Variants in SLC4A4 observed in about 807,000 individuals in gnomAD.
The protein encoded by SLC4A4 is electrogenic sodium bicarbonate cotransporter 1.
In SLC4A4, 27 loss-of-function variants were observed where a neutral mutation model predicts 111.5. That is an observed-to-expected ratio of 0.24 (90% CI 0.18 to 0.33). The LOEUF (loss-of-function observed/expected upper bound fraction) is 0.33. Ranked by LOEUF, SLC4A4 falls within the 10% of genes least tolerant of loss-of-function variation. The pLI, the probability that SLC4A4 is intolerant of heterozygous loss-of-function variation, is 1.00. For synonymous variants in SLC4A4, 443 were observed against 463.4 expected, an observed-to-expected ratio of 0.96 and a Z score of 0.57; for missense variants, 909 against 1,315.5, an observed-to-expected ratio of 0.69 and a Z score of 4.78.
intron 3 of SLC4A4, among the ~76,000 whole-genome samples, chr4:71,299,908 G>A (rs903746919): frequency 3.9e-5 from 6 of 152,168 alleles, no homozygotes; most frequent in South Asian, 2.1e-4. Context: ...CACTTGTTGC[G>A]CACACCCCAT....
intron 3 of SLC4A4, among the ~76,000 whole-genome samples, chr4:71,308,598 G>A (rs536895305): frequency 7.2e-5 from 11 of 152,228 alleles, no homozygotes; most frequent in Admixed American, 4.6e-4. Flanking sequence ...GGGGGTTGTC[G>A]CCTCACCCAG....
intron 7 of SLC4A4, among the ~76,000 whole-genome samples, chr4:71,431,863 A>C (rs907873229): frequency 6.6e-6 from 1 of 151,892 alleles, no homozygotes; most frequent in African/African-American, 2.4e-5. Flanking sequence ...TTCCAGATTG[A>C]ACCTTAAAAT....
intron 2 of SLC4A4, among the ~76,000 whole-genome samples, 153 bp downstream of exon 2, chr4:71,236,802 G>T (rs1471230906): frequency 6.6e-6 from 1 of 152,110 alleles, no homozygotes; most frequent in Non-Finnish European, 1.5e-5. Context: ...CTTCAACACA[G>T]AAAGTAATTT....
At position 71,534,180 on chromosome 4, in the gene SLC4A4, A is replaced by G. The variant is rs777764279; in HGVS notation, c.2281-47A>G. On this transcript the variant is annotated intron_variant, in intron 17 of 25. Coordinates refer to ENST00000264485, the MANE Select transcript of SLC4A4 (RefSeq NM_001098484.3). ...CGTTGGTTTTTTCACCAAATAGTAT[A>G]TATTAACCTGATAATTTTCTGAAAA... is the stretch of plus-strand genomic sequence containing the variant. 4 of 1,580,534 alleles carry G rather than the reference A, an allele frequency of 2.5e-6. No homozygotes were observed. The South Asian group carries it at 3.3e-5, about 13-fold the overall frequency.
intron 3 of SLC4A4, among the ~76,000 whole-genome samples, chr4:71,279,534 T>G (rs1275890756): frequency 6.6e-6 from 1 of 152,200 alleles, no homozygotes; most frequent in Non-Finnish European, 1.5e-5. Flanking sequence ...ATACTTGTGT[T>G]GATTCCATAT....
intron 2 of SLC4A4, among the ~76,000 whole-genome samples, chr4:71,180,441 C>T (rs1745252103): frequency 6.6e-6 from 1 of 152,128 alleles, no homozygotes; most frequent in Non-Finnish European, 1.5e-5. Context: ...AAAATTTTTG[C>T]AACCCACTCA....
chr4:71,404,165 A>G (rs1485746827), intron 7 of SLC4A4, among the ~76,000 whole-genome samples: 2 of 152,154 alleles, frequency 1.3e-5, no homozygotes, highest in East Asian at 1.9e-4. Flanking sequence ...TGAATTTTTG[A>G]GTAATTATAT....
intron 22 of SLC4A4, among the ~76,000 whole-genome samples, 178 bp from the exon 23 acceptor site, chr4:71,559,915 T>C (rs1218133463): frequency 6.6e-6 from 1 of 151,824 alleles, no homozygotes; most frequent in Admixed American, 6.6e-5. Flanking sequence ...ACTTTCCCCA[T>C]GTAGAAAATT....
chr4:71,162,919 C>G (rs926270827), intron 2 of SLC4A4, among the ~76,000 whole-genome samples: 1 of 152,110 alleles, frequency 6.6e-6, no homozygotes, highest in Non-Finnish European at 1.5e-5. Flanking sequence ...TGGGAACATT[C>G]TTTTTCACTA....
At chr4:71,539,842 A>G (rs1734886009) in intron 18 of SLC4A4, among the ~76,000 whole-genome samples, 1 of 152,102 alleles carries the variant, frequency 6.6e-6, no homozygotes, top group Admixed American at 6.5e-5. Flanking sequence ...CAATAAATAC[A>G]TGTTGATGAA....
At chr4:71,537,538 C>T (rs1734663863) in intron 18 of SLC4A4, among the ~76,000 whole-genome samples, 1 of 151,846 alleles carries the variant, frequency 6.6e-6, no homozygotes, top group Non-Finnish European at 1.5e-5. Flanking sequence ...TTAGGAATTT[C>T]GAGGCCACAG....
intron 3 of SLC4A4, among the ~76,000 whole-genome samples, chr4:71,330,985 C>T (rs1727935393): frequency 6.6e-6 from 1 of 152,142 alleles, no homozygotes; most frequent in Non-Finnish European, 1.5e-5. Context: ...AAAAAATGCT[C>T]ATCATCACTG....
chr4:71,152,926 T>C (rs998189852), intron 2 of SLC4A4, among the ~76,000 whole-genome samples: 1 of 150,290 alleles, frequency 6.7e-6, no homozygotes, highest in Non-Finnish European at 1.5e-5. Flanking sequence ...AGGACTGGTA[T>C]ATATCACATA....
chr4:71,095,550 G>A (rs1158766570), intron 2 of SLC4A4, among the ~76,000 whole-genome samples: 3 of 152,300 alleles, frequency 2.0e-5, no homozygotes, highest in East Asian at 3.9e-4. Context: ...GCTCAACTGC[G>A]CATTGCCTGC....
intron 3 of SLC4A4, among the ~76,000 whole-genome samples, chr4:71,273,201 C>T (rs1722817690): frequency 6.6e-6 from 1 of 152,130 alleles, no homozygotes; most frequent in Non-Finnish European, 1.5e-5. Context: ...CAAGGGCATT[C>T]AGCAGGTAAA....
At chr4:71,564,172 A>T (rs897289352) in intron 24 of SLC4A4, among the ~76,000 whole-genome samples, 7 of 151,256 alleles carry the variant, frequency 4.6e-5, no homozygotes, top group Admixed American at 2.0e-4. Context: ...TTTTTAATTG[A>T]TTTTTCTTTT....
Position 71,453,621 on chromosome 4 carries a change from T to C in SLC4A4, c.1449T>C (p.Asn483=), listed in dbSNP as rs1358944833. 6.2e-7 allele frequency: 1 copy of C among 1,613,962 alleles called. No individual in the cohort carries two copies. Among genetic ancestry groups the C allele is most frequent in the South Asian group, 1.1e-5 (1 of 91,080 alleles). ...ILFIYLATVT[N]AITFGGLLGD... is the part of the protein sequence containing the mutation. ...TCATTTATCTGGCAACTGTAACTAA[T>C]GCTATCACTTTTGGAGGACTGCTTG... The change falls in exon 12 of 26, where the codon AAT becomes AAC. Residue 483 remains asparagine, a synonymous_variant. Transcript: ENST00000264485.
chr4:71,410,592 C>A (rs1579038120), intron 7 of SLC4A4, among the ~76,000 whole-genome samples: 1 of 152,196 alleles, frequency 6.6e-6, no homozygotes, highest in Admixed American at 6.5e-5. Context: ...GCAAAAGGGA[C>A]TTGCCTTGTC....
At chr4:71,204,961 A>C (rs1276266430) in intron 1 of SLC4A4, among the ~76,000 whole-genome samples, 1 of 152,232 alleles carries the variant, frequency 6.6e-6, no homozygotes, top group Non-Finnish European at 1.5e-5. Flanking sequence ...GTACATCTTA[A>C]CACTGGATTT....
Sources: allele counts gnomAD v4.1 joint callset (sites outside exome capture counted in the v4.1 genomes callset), GRCh38; gene constraint gnomAD v4.1.1; transcripts MANE v1.5; gene names NCBI Gene and HGNC (gene_info 2026-07-23, HGNC 2026-07-21).